The following UTRN variants were observed in gnomAD, a reference collection of about 807,000 sequenced individuals.
UTRN encodes the protein utrophin.
A neutral mutation model predicts 463.9 loss-of-function variants in UTRN; 283 were observed. The ratio of observed to expected loss-of-function variants is 0.61; its 90% CI spans 0.55 to 0.67. The LOEUF is 0.67. UTRN is among the 30% of genes least tolerant of loss of function. The pLI, the probability that UTRN is intolerant of heterozygous loss-of-function variation, is 0.00. For missense variants in UTRN, 3,922 were observed against 4,084.3 expected, an observed-to-expected ratio of 0.96 and a Z score of 1.08; for synonymous variants, 1,442 against 1,431.5, an observed-to-expected ratio of 1.01 and a Z score of -0.17.
chr6:144,595,674 T>C (rs1341608134), intron 51 of UTRN, among the ~76,000 whole-genome samples: 1 of 152,210 alleles, frequency 6.6e-6, no homozygotes, highest in Admixed American at 6.5e-5. Flanking sequence ...GAAGTCTTTA[T>C]TCAATCCAGA....
rs78467374 is a variant in UTRN at position 144,587,990 on chromosome 6, G to A, written c.7479+10702G>A. 1.5e-3 allele frequency among the ~76,000 whole-genome samples: 223 copies of A among 152,228 alleles called. 1 individual carries two copies. Among genetic ancestry groups the A allele is most frequent in the Non-Finnish European group, 2.8e-3 (190 of 68,010 alleles). ...TTGAGGTTTAATGGAGAAAAATGGCGTATGTAGATGGGTTTGCCTCCATCT... is the reference window on the plus strand; with the variant it reads ...TTGAGGTTTAATGGAGAAAAATGGCATATGTAGATGGGTTTGCCTCCATCT... On this transcript the variant is annotated intron_variant, in intron 51 of 74. Coordinates refer to ENST00000367545, the MANE Select transcript of UTRN (RefSeq NM_007124.3).
In UTRN at chr6:144,756,258, T is replaced by C. The variant is rs551152857; in HGVS notation, c.8434+1460T>C. Among the ~76,000 whole-genome samples the C allele has an allele frequency of 2.6e-5, 4 of 152,306 alleles. No homozygotes were observed. The South Asian group carries it at 8.3e-4, about 32-fold the overall frequency. ...GGAATTTACAAAATAATTGAGACTG[T>C]CTTTACAGTTCTAACTATCAGTTAT... is the stretch of plus-strand genomic sequence containing the variant. On this transcript the variant is annotated intron_variant, in intron 57 of 74. Transcript: ENST00000367545.
intron 51 of UTRN, among the ~76,000 whole-genome samples, chr6:144,637,103 G>A (rs1777257166): frequency 6.6e-6 from 1 of 152,120 alleles, no homozygotes; most frequent in African/African-American, 2.4e-5. Flanking sequence ...CAAGTAGCTG[G>A]GACCACAGGT....
At chr6:144,819,223 G>A (rs1456511092) in intron 65 of UTRN, among the ~76,000 whole-genome samples, 1 of 152,068 alleles carries the variant, frequency 6.6e-6, no homozygotes, top group East Asian at 1.9e-4. Context: ...AAGTAGCTGC[G>A]GCTTAATCAT....
chr6:144,824,614 C>CTCTCTCTT (rs1315487327), intron 66 of UTRN, among the ~76,000 whole-genome samples: 2 of 30,878 alleles, frequency 6.5e-5, no homozygotes, highest in African/African-American at 2.1e-4. Context: ...ATATATATAT[C>CTCTCTCTT]TTTTTTTTTT....
At chr6:144,598,305 C>T (rs910159313) in intron 51 of UTRN, among the ~76,000 whole-genome samples, 5 of 152,106 alleles carry the variant, frequency 3.3e-5, no homozygotes, top group Non-Finnish European at 5.9e-5. Flanking sequence ...GCTTCCATGT[C>T]GTAGGAGGAT....
At chr6:144,765,348 G>A (rs1586456276) in intron 58 of UTRN, among the ~76,000 whole-genome samples, 1 of 152,238 alleles carries the variant, frequency 6.6e-6, no homozygotes, top group East Asian at 1.9e-4. Flanking sequence ...TGGTATGGTA[G>A]CCTATTTCTA....
At chr6:144,459,735 C>T (rs1338503741) in intron 21 of UTRN, among the ~76,000 whole-genome samples, 1 of 152,074 alleles carries the variant, frequency 6.6e-6, no homozygotes, top group Non-Finnish European at 1.5e-5. Context: ...GGACTACAGG[C>T]ATGCACCACC....
chr6:144,397,239 G>C (rs557328688), intron 2 of UTRN, among the ~76,000 whole-genome samples: 3 of 150,934 alleles, frequency 2.0e-5, no homozygotes, highest in Non-Finnish European at 4.4e-5. Context: ...AGCGAAACTC[G>C]GTCTTAAAAA....
At position 144,557,241 on chromosome 6, in the gene UTRN, A is replaced by G. The variant is rs115572657; in HGVS notation, c.7219A>G (p.Ser2407Gly). The change falls in exon 50 of 75, where the codon AGT (serine) becomes GGT (glycine). Residue 2407 changes from serine to glycine, a missense_variant. By Grantham distance (56) the Ser-to-Gly change is moderately conservative. This residue lies in a region of UTRN where 1,309 missense variants were observed against 1,452.6 expected (regional missense o/e 0.90). Transcript: ENST00000367545. The stretch of plus-strand genomic sequence containing the variant: ...GCAGAAACTCCTGGAGGAATATGGG[A>G]GTGATGACACAAGGAATGTGAAAGA... ...VLQKLLEEYG[S>G]DDTRNVKETT... The G allele has an allele frequency of 1.4e-3, 2,307 of 1,613,980 alleles. 4 individuals are homozygous for G. Among genetic ancestry groups the G allele is most frequent in the Non-Finnish European group, 1.9e-3 (2,200 of 1,179,906 alleles).
intron 51 of UTRN, among the ~76,000 whole-genome samples, chr6:144,631,425 G>A (rs1309772720): frequency 6.6e-6 from 1 of 152,134 alleles, no homozygotes; most frequent in Non-Finnish European, 1.5e-5. Context: ...AGGGAGTTTG[G>A]AAAGAAGTTT....
chr6:144,768,125 G>C (rs536333944), intron 58 of UTRN, among the ~76,000 whole-genome samples: 4 of 152,242 alleles, frequency 2.6e-5, no homozygotes, highest in Admixed American at 1.3e-4. Context: ...GTCCTTTGCT[G>C]TTGGTTCATT....
At chr6:144,559,109 A>C (rs915191444) in intron 50 of UTRN, among the ~76,000 whole-genome samples, 13 of 144,528 alleles carry the variant, frequency 9.0e-5, no homozygotes, top group African/African-American at 1.8e-4. Context: ...TCTTCTTCTT[A>C]TTTTTTTTTT....
intron 7 of UTRN, among the ~76,000 whole-genome samples, chr6:144,426,696 A>T (rs1286200900): frequency 6.6e-6 from 1 of 152,250 alleles, no homozygotes; most frequent in Admixed American, 6.5e-5. Context: ...CTGCATATTT[A>T]TGAATTTAAA....
At chr6:144,838,631 A>G (rs552044956) in intron 71 of UTRN, among the ~76,000 whole-genome samples, 7 of 152,352 alleles carry the variant, frequency 4.6e-5, no homozygotes, top group South Asian at 2.1e-4. Flanking sequence ...ACAAAACTCT[A>G]TAACACAGCA....
intron 18 of UTRN, among the ~76,000 whole-genome samples, chr6:144,453,187 A>G (rs969124289): frequency 2.0e-5 from 3 of 151,920 alleles, no homozygotes; most frequent in African/African-American, 7.3e-5. Context: ...CAGTGGTGCA[A>G]TCTCGGCTCC....
intron 46 of UTRN, among the ~76,000 whole-genome samples, chr6:144,545,398 C>A (rs1798313069): frequency 6.6e-6 from 1 of 152,190 alleles, no homozygotes; most frequent in South Asian, 2.1e-4. Flanking sequence ...GTCCAGAACA[C>A]CATGCATATC....
intron 72 of UTRN, among the ~76,000 whole-genome samples, chr6:144,840,251 T>C (rs1399518475): frequency 6.6e-6 from 1 of 152,074 alleles, no homozygotes; most frequent in African/African-American, 2.4e-5. Context: ...ATCTTGACTA[T>C]GGATTATAGG....
At chr6:144,425,278 GT>G (rs1785195131) in intron 6 of UTRN, among the ~76,000 whole-genome samples, 1 of 152,080 alleles carries the variant, frequency 6.6e-6, no homozygotes, top group Admixed American at 6.5e-5. Context: ...AGTGACGTGA[GT>G]TCTTCTTAGT....
Sources: gnomAD v4.1 joint callset for allele counts (sites outside exome capture counted in the v4.1 genomes callset) on GRCh38, gnomAD v4.1.1 for gene constraint, gnomAD v4.1.1 regional missense constraint, MANE v1.5 for transcripts, NCBI Gene and HGNC (gene_info 2026-07-23, HGNC 2026-07-21) for gene names.